C12orf42: variants seen among roughly 807,000 people sequenced by gnomAD.
C12orf42 encodes chromosome 12 open reading frame 42.
A neutral mutation model predicts 21.6 loss-of-function variants in C12orf42; 25 were observed. That is an observed-to-expected ratio of 1.16 (90% CI 0.84 to 1.62). The LOEUF (loss-of-function observed/expected upper bound fraction) is 1.62, where lower values mean the gene tolerates loss of function less well. Among genes scored for constraint, C12orf42 ranks in the 40% most tolerant of loss-of-function variants. C12orf42 has a pLI of 0.00. For synonymous variants in C12orf42, 174 were observed against 175.0 expected, an observed-to-expected ratio of 0.99 and a Z score of 0.05; for missense variants, 483 against 459.3, an observed-to-expected ratio of 1.05 and a Z score of -0.47.
At chr12:103,324,393 G>A (rs1393622748) in intron 4 of C12orf42, among the ~76,000 whole-genome samples, 2 of 151,914 alleles carry the variant, frequency 1.3e-5, no homozygotes, top group Admixed American at 6.6e-5. Flanking sequence ...TTAAGTCTCC[G>A]ACTCACCCAA....
At chr12:103,154,857 G>A in the C12orf42 span, among the ~76,000 whole-genome samples, 2 of 152,096 alleles carry the variant, frequency 1.3e-5, no homozygotes, top group Non-Finnish European at 2.9e-5. Context: ...AAAGTGAGTC[G>A]AATTTATGGA....
chr12:103,415,504 T>C (rs549103564), intron 2 of C12orf42, among the ~76,000 whole-genome samples: 47 of 152,286 alleles, frequency 3.1e-4, no homozygotes, highest in Non-Finnish European at 6.2e-4. Flanking sequence ...ACAGAACATA[T>C]TCTAAGATCA....
chr12:103,128,410 G>C, the C12orf42 span, among the ~76,000 whole-genome samples: 1 of 152,326 alleles, frequency 6.6e-6, no homozygotes, highest in African/African-American at 2.4e-5. Flanking sequence ...ATGTGGTACA[G>C]CCGAAATGGC....
At chr12:103,286,147 A>T (rs1342813632) in intron 4 of C12orf42, among the ~76,000 whole-genome samples, 1 of 151,988 alleles carries the variant, frequency 6.6e-6, no homozygotes, top group Non-Finnish European at 1.5e-5. Flanking sequence ...GCTACTCCGG[A>T]GGCTGAGGCA....
intron 4 of C12orf42, among the ~76,000 whole-genome samples, chr12:103,278,806 G>A (rs751251330): frequency 6.6e-6 from 1 of 152,200 alleles, no homozygotes; most frequent in Non-Finnish European, 1.5e-5. Flanking sequence ...TAAATCCAAT[G>A]GCTTCTCTCA....
chr12:103,108,133 T>C, the C12orf42 span, among the ~76,000 whole-genome samples: 1 of 151,244 alleles, frequency 6.6e-6, no homozygotes, highest in Non-Finnish European at 1.5e-5. Flanking sequence ...AATAATAATT[T>C]TTTAAAAAGA....
chr12:103,466,533 TAG>T (rs1392488871), intron 2 of C12orf42, among the ~76,000 whole-genome samples: 1 of 151,590 alleles, frequency 6.6e-6, no homozygotes, highest in Non-Finnish European at 1.5e-5. Flanking sequence ...CTTTTAATAA[TAG>T]GTTATAAAAA....
chr12:103,214,364 T>C, the C12orf42 span, among the ~76,000 whole-genome samples: 11 of 152,328 alleles, frequency 7.2e-5, no homozygotes, highest in African/African-American at 2.6e-4. Flanking sequence ...TGTTGAATGA[T>C]GTCTATCTTT....
At chr12:103,294,438 G>GAAAGAA (rs1555245917) in intron 4 of C12orf42, among the ~76,000 whole-genome samples, 39 of 106,462 alleles carry the variant, frequency 3.7e-4, no homozygotes, top group Admixed American at 3.5e-3. Context: ...GAGAAAGAAA[G>GAAAGAA]AAAGAAAGAA....
chr12:103,062,245 C>T, the C12orf42 span, among the ~76,000 whole-genome samples: 1 of 149,890 alleles, frequency 6.7e-6, no homozygotes, highest in Non-Finnish European at 1.5e-5. Flanking sequence ...CTATTTCTTT[C>T]TTTCTGCATT....
the C12orf42 span, among the ~76,000 whole-genome samples, chr12:103,148,440 C>T: frequency 3.9e-5 from 6 of 152,026 alleles, no homozygotes; most frequent in Non-Finnish European, 8.8e-5. Context: ...TATGGTCTAG[C>T]TTGGCCCACA....
At chr12:103,163,653 T>C in the C12orf42 span, among the ~76,000 whole-genome samples, 1 of 152,204 alleles carries the variant, frequency 6.6e-6, no homozygotes, top group Non-Finnish European at 1.5e-5. Context: ...GAACTAGATC[T>C]TTTACAAAAT....
chr12:103,157,501 C>T, the C12orf42 span, among the ~76,000 whole-genome samples: 3,532 of 152,162 alleles, frequency 0.023, 45 homozygotes, highest in South Asian at 0.035. Flanking sequence ...TTTTGGCTTT[C>T]GTTGCAATTG....
the C12orf42 span, among the ~76,000 whole-genome samples, chr12:103,067,725 G>C: frequency 8.5e-5 from 13 of 152,242 alleles, no homozygotes; most frequent in African/African-American, 3.1e-4. Flanking sequence ...AAGGAACACT[G>C]CCACTAGGAG....
intron 2 of C12orf42, among the ~76,000 whole-genome samples, chr12:103,473,871 G>C (rs914569950): frequency 1.3e-5 from 2 of 152,276 alleles, no homozygotes. Context: ...TATCCTCTGA[G>C]TAGCACAGAG....
the C12orf42 span, among the ~76,000 whole-genome samples, chr12:103,501,291 G>A: frequency 6.6e-6 from 1 of 152,206 alleles, no homozygotes; most frequent in Non-Finnish European, 1.5e-5. Flanking sequence ...TCAAAAAAAG[G>A]GGGGATAATT....
chr12:103,347,292 A>C (rs1041968510), intron 4 of C12orf42, among the ~76,000 whole-genome samples: 12 of 149,254 alleles, frequency 8.0e-5, no homozygotes, highest in African/African-American at 2.7e-4. Context: ...CTTCTGAGTG[A>C]GAACATGCGG....
the C12orf42 span, among the ~76,000 whole-genome samples, chr12:103,176,347 C>G: frequency 6.6e-6 from 1 of 152,158 alleles, no homozygotes; most frequent in Non-Finnish European, 1.5e-5. Context: ...TCCCTGTGAC[C>G]TTAAGGCAGG....
chr12:103,072,916 T>C, the C12orf42 span, among the ~76,000 whole-genome samples: 1 of 152,142 alleles, frequency 6.6e-6, no homozygotes, highest in Non-Finnish European at 1.5e-5. Flanking sequence ...AGCAAAGACA[T>C]GGAATCAGCT....
Sources: allele counts gnomAD v4.1 joint callset (sites outside exome capture counted in the v4.1 genomes callset), GRCh38; gene constraint gnomAD v4.1.1; transcripts MANE v1.5; gene names NCBI Gene and HGNC (gene_info 2026-07-23, HGNC 2026-07-21).